CECR2: variants seen among roughly 807,000 people sequenced by gnomAD.
CECR2 encodes CECR2 histone acetyl-lysine reader.
A neutral mutation model predicts 154.5 loss-of-function variants in CECR2; 30 were observed. The ratio of observed to expected loss-of-function variants is 0.19; its 90% CI spans 0.15 to 0.26. The LOEUF (loss-of-function observed/expected upper bound fraction) is 0.26, where lower values mean the gene tolerates loss of function less well. Ranked by LOEUF, CECR2 falls within the 10% of genes least tolerant of loss-of-function variation. The pLI, the probability that CECR2 is intolerant of heterozygous loss-of-function variation, is 1.00. For missense variants in CECR2, 1,743 were observed against 1,829.3 expected (o/e 0.95, Z 0.86); for synonymous variants, 725 against 683.7 (o/e 1.06, Z -0.94).
At chr22:17,505,445 A>G (rs1160910641) in intron 7 of CECR2, among the ~76,000 whole-genome samples, 4 of 151,698 alleles carry the variant, frequency 2.6e-5, no homozygotes, top group Non-Finnish European at 5.9e-5. Context: ...ATTCAGGGCA[A>G]GCTATAGTCT....
chr22:17,390,445 C>A (rs2063314100), intron 1 of CECR2, among the ~76,000 whole-genome samples: 1 of 152,132 alleles, frequency 6.6e-6, no homozygotes. Context: ...TACTGTTTTT[C>A]TCTTATAATT....
chr22:17,366,052 G>A (rs6518680), upstream of CECR2, among the ~76,000 whole-genome samples: 44,454 of 152,022 alleles, frequency 0.29, 10,681 homozygotes, highest in African/African-American at 0.67. Flanking sequence ...TGATTCAAAG[G>A]GGATTATGGA....
At chr22:17,528,922 A>C (rs1236640492) in intron 9 of CECR2, among the ~76,000 whole-genome samples, 1 of 152,144 alleles carries the variant, frequency 6.6e-6, no homozygotes, top group Admixed American at 6.5e-5. Context: ...AAGTAAAATT[A>C]GGCAGGTTTA....
intron 1 of CECR2, among the ~76,000 whole-genome samples, chr22:17,405,666 A>AAATT (rs1601299657): frequency 7.8e-6 from 1 of 128,426 alleles, no homozygotes; most frequent in Non-Finnish European, 1.6e-5. Flanking sequence ...AAAAAAAAAA[A>AAATT]TTTTCAATTG....
At chr22:17,538,869 G>T in intron 12 of CECR2, 124 bp from the exon 13 acceptor site, 1 of 1,334,132 alleles carries the variant, frequency 7.5e-7, no homozygotes. Flanking sequence ...GATGTTTCTC[G>T]TTTTATCTGT....
intron 1 of CECR2, among the ~76,000 whole-genome samples, chr22:17,399,044 A>G (rs933865742): frequency 4.6e-5 from 7 of 152,170 alleles, no homozygotes; most frequent in African/African-American, 9.7e-5. Context: ...TGTCTACTCA[A>G]TCAGATTCAG....
intron 1 of CECR2, among the ~76,000 whole-genome samples, chr22:17,450,432 G>A (rs1037517084): frequency 6.6e-6 from 1 of 151,952 alleles, no homozygotes; most frequent in Admixed American, 6.6e-5. Context: ...CACCATGCCC[G>A]GCTAATTTTT....
intron 1 of CECR2, among the ~76,000 whole-genome samples, chr22:17,372,840 T>C (rs950247542): frequency 3.3e-5 from 5 of 152,236 alleles, no homozygotes; most frequent in African/African-American, 1.2e-4. Flanking sequence ...AAACCAGTTT[T>C]CAGCTGTGGG....
chr22:17,482,248 C>T (rs965648645), intron 2 of CECR2, among the ~76,000 whole-genome samples: 9 of 150,638 alleles, frequency 6.0e-5, no homozygotes, highest in Non-Finnish European at 1.2e-4. Flanking sequence ...CATGGTGAAA[C>T]CCCGTCTCTA....
At chr22:17,423,320 C>T (rs562315868) in intron 1 of CECR2, among the ~76,000 whole-genome samples, 1 of 151,828 alleles carries the variant, frequency 6.6e-6, no homozygotes, top group Non-Finnish European at 1.5e-5. Flanking sequence ...GTCAGTTAGG[C>T]TCTGATAAAA....
rs112338023 is a variant in CECR2, at chr22:17,487,870, G to GTATTTATT, written c.222-9511_222-9504dup. Among the ~76,000 whole-genome samples the GTATTTATT allele has an allele frequency of 6.2e-3, 931 of 150,788 alleles. 24 individuals are homozygous for GTATTTATT. The East Asian group carries it at 0.082, about 13-fold the overall frequency. ...CAACATTGTATATTCAATTTTTCAT[G>GTATTTATT]TATTTATTTATTTATTTATTTATTT... On this transcript the variant is annotated intron_variant, in intron 2 of 18. Transcript: ENST00000262608.
intron 2 of CECR2, among the ~76,000 whole-genome samples, chr22:17,479,184 T>G (rs1805618542): frequency 6.6e-6 from 1 of 152,230 alleles, no homozygotes. Flanking sequence ...AGTCAAAAGA[T>G]ATGCCCATTT....
At chr22:17,473,544 G>A (rs553602143) in intron 1 of CECR2, among the ~76,000 whole-genome samples, 4 of 151,778 alleles carry the variant, frequency 2.6e-5, no homozygotes, top group East Asian at 3.9e-4. Context: ...AATTTCTATC[G>A]TTTAGAAACC....
chr22:17,525,829 T>C (rs1395916198), intron 9 of CECR2, among the ~76,000 whole-genome samples: 2 of 152,192 alleles, frequency 1.3e-5, no homozygotes, highest in Non-Finnish European at 2.9e-5. Flanking sequence ...TTTTAATTTA[T>C]ATAGGCAGGT....
At chr22:17,364,434 C>G (rs1353501710) in intron 1 of CECR2, among the ~76,000 whole-genome samples, 6 of 150,980 alleles carry the variant, frequency 4.0e-5, no homozygotes, top group African/African-American at 1.5e-4. Flanking sequence ...ATACTACACT[C>G]TCCTGGTCCA....
intron 1 of CECR2, among the ~76,000 whole-genome samples, chr22:17,428,711 C>T (rs1044494930): frequency 1.3e-5 from 2 of 152,006 alleles, no homozygotes; most frequent in Admixed American, 6.5e-5. Flanking sequence ...CTCCTGGGCT[C>T]GAATGATCCT....
intron 10 of CECR2, 44 bp from the exon 11 acceptor site, chr22:17,538,476 A>C: frequency 2.6e-6 from 4 of 1,557,844 alleles, no homozygotes; most frequent in Non-Finnish European, 3.5e-6. Context: ...TCAGGAGAGA[A>C]GGTGGTCAGA....
chr22:17,453,324 C>T (rs186440537), intron 1 of CECR2, among the ~76,000 whole-genome samples: 102 of 152,224 alleles, frequency 6.7e-4, no homozygotes, highest in African/African-American at 2.4e-3. Flanking sequence ...TGCCTGTAAT[C>T]CCAGCTACTC....
chr22:17,460,846 C>T (rs1365669865), intron 1 of CECR2, among the ~76,000 whole-genome samples: 1 of 152,172 alleles, frequency 6.6e-6, no homozygotes, highest in African/African-American at 2.4e-5. Context: ...AAGGAAATCT[C>T]TTATGTTTAT....
Sources: gnomAD v4.1 joint callset for allele counts (sites outside exome capture counted in the v4.1 genomes callset) on GRCh38, gnomAD v4.1.1 for gene constraint, MANE v1.5 for transcripts, NCBI Gene and HGNC (gene_info 2026-07-23, HGNC 2026-07-21) for gene names.